The following PRIM2 variants were observed in gnomAD, a reference collection of about 807,000 sequenced individuals.
PRIM2 encodes the protein DNA primase large subunit.
PRIM2 carries 39 observed loss-of-function variants against 67.3 expected under a neutral mutation model. That is an observed-to-expected ratio of 0.58 (90% confidence interval 0.45 to 0.76). PRIM2 has a LOEUF of 0.76. PRIM2 is among the 30% of genes least tolerant of loss of function. PRIM2 has a pLI of 0.00. For missense variants in PRIM2, 398 were observed against 598.7 expected (o/e 0.66, Z 3.50); for synonymous variants, 143 against 198.7 (o/e 0.72, Z 2.36).
intron 9 of PRIM2, among the ~76,000 whole-genome samples, chr6:57,535,587 C>G (rs1446340140): frequency 1.3e-5 from 2 of 152,094 alleles, no homozygotes; most frequent in Admixed American, 6.5e-5. Flanking sequence ...ATTGGCCAGG[C>G]GCAGTGGGTC....
intron 7 of PRIM2, among the ~76,000 whole-genome samples, chr6:57,429,975 A>G (rs1771763711): frequency 6.6e-6 from 1 of 152,126 alleles, no homozygotes. Flanking sequence ...TATTCTCACT[A>G]GTTGAGTAAT....
chr6:57,451,614 G>A (rs1772552490), intron 7 of PRIM2, among the ~76,000 whole-genome samples: 1 of 152,056 alleles, frequency 6.6e-6, no homozygotes. Flanking sequence ...GAATTGTAAA[G>A]ATTCTTAATA....
At chr6:57,434,985 C>T (rs1581901238) in intron 7 of PRIM2, 2 of 151,934 alleles carry the variant, frequency 1.3e-5, no homozygotes, top group East Asian at 1.9e-4. Flanking sequence ...GGAGTCTTGC[C>T]ATGTTGCCCA....
chr6:57,495,911 T>C (rs1412647973), intron 7 of PRIM2, among the ~76,000 whole-genome samples: 2 of 148,982 alleles, frequency 1.3e-5, no homozygotes, highest in Admixed American at 1.3e-4. Flanking sequence ...ACTCAGCTGA[T>C]TTTTTTTTTA....
chr6:57,600,981 A>C, intron 10 of PRIM2, 112 bp from the exon 11 acceptor site: 2 of 983,016 alleles, frequency 2.0e-6, no homozygotes, highest in African/African-American at 3.3e-5. Context: ...GTGAATGCTG[A>C]GTTTATTCTA....
At chr6:57,331,372 G>A (rs139426981) in intron 5 of PRIM2, among the ~76,000 whole-genome samples, 71 of 152,072 alleles carry the variant, frequency 4.7e-4, no homozygotes, top group African/African-American at 1.7e-3. Flanking sequence ...TGGTCTGTAG[G>A]TTTTTTGTGA....
At chr6:57,277,909 G>A in the PRIM2 span, among the ~76,000 whole-genome samples, 4 of 151,900 alleles carry the variant, frequency 2.6e-5, no homozygotes, top group Admixed American at 6.6e-5. Flanking sequence ...GCGTGAACCC[G>A]GGAGGTGGAG....
chr6:57,461,952 A>G (rs1445806277), intron 7 of PRIM2, among the ~76,000 whole-genome samples: 1 of 152,236 alleles, frequency 6.6e-6, no homozygotes, highest in Non-Finnish European at 1.5e-5. Context: ...TGCCTTTATT[A>G]TTTAAGCACT....
At chr6:57,434,694 C>T (rs544840340) in intron 7 of PRIM2, among the ~76,000 whole-genome samples, 1 of 152,160 alleles carries the variant, frequency 6.6e-6, no homozygotes, top group South Asian at 2.1e-4. Flanking sequence ...TAACTATCTT[C>T]CTCCACCAGC....
At chr6:57,399,542 T>C (rs1770636165) in intron 7 of PRIM2, among the ~76,000 whole-genome samples, 1 of 152,198 alleles carries the variant, frequency 6.6e-6, no homozygotes, top group Non-Finnish European at 1.5e-5. Context: ...TTATAATCCT[T>C]TGGATATATA....
intron 7 of PRIM2, among the ~76,000 whole-genome samples, chr6:57,440,726 G>A (rs1772177312): frequency 6.6e-6 from 1 of 152,128 alleles, no homozygotes; most frequent in African/African-American, 2.4e-5. Flanking sequence ...CATTCCATCA[G>A]CTAACAAGGT....
chr6:57,615,650 CTTTGGAAGG>C (rs1776743019), intron 12 of PRIM2, among the ~76,000 whole-genome samples: 3 of 152,096 alleles, frequency 2.0e-5, no homozygotes, highest in Non-Finnish European at 4.4e-5. Context: ...AATCCCAGCA[CTTTGGAAGG>C]CCGAGGTGAG....
chr6:57,615,609 A>G (rs1463880967), intron 12 of PRIM2, among the ~76,000 whole-genome samples: 5 of 151,884 alleles, frequency 3.3e-5, no homozygotes, highest in African/African-American at 1.2e-4. Context: ...TAATAGAAAA[A>G]TTGGGGCTGG....
intron 7 of PRIM2, among the ~76,000 whole-genome samples, chr6:57,398,639 G>A (rs576161124): frequency 6.6e-6 from 1 of 152,176 alleles, no homozygotes; most frequent in East Asian, 1.9e-4. Context: ...TGGATGGAGA[G>A]TTCTGTAGAG....
intron 7 of PRIM2, among the ~76,000 whole-genome samples, chr6:57,455,458 T>A (rs368705469): frequency 1.4e-4 from 21 of 150,984 alleles, no homozygotes; most frequent in African/African-American, 4.9e-4. Context: ...TGCTTTATGA[T>A]TCTGGGTGCT....
the PRIM2 span, among the ~76,000 whole-genome samples, chr6:57,297,092 A>G: frequency 5.7e-4 from 87 of 152,340 alleles, no homozygotes; most frequent in African/African-American, 2.0e-3. Flanking sequence ...AGAGGGGAAC[A>G]TGCTCTCTTT....
intron 12 of PRIM2, among the ~76,000 whole-genome samples, chr6:57,619,303 TACCCAAACGTGATGGAACCAGAAAACC>T (rs1331137197): frequency 6.6e-6 from 1 of 152,138 alleles, no homozygotes; most frequent in Admixed American, 6.5e-5. Flanking sequence ...TGACAGAGCC[TACCCAAACGTGATGGAACCAGAAAACC>T]ACCCCTGGTA....
Position 57,343,820 on chromosome 6 carries a change from A to G in PRIM2, c.459+17775A>G, listed in dbSNP as rs561064983. ...GAAGACTTTATTCAAAGGGGCTACT[A>G]TAATAGGTTTTTGTAGTAGGGGAGA... is the stretch of plus-strand genomic sequence containing the variant. On this transcript the variant is annotated intron_variant, in intron 5 of 13. Transcript: ENST00000615550. 1.3e-3 allele frequency among the ~76,000 whole-genome samples: 202 copies of G among 152,318 alleles called. 5 individuals are homozygous for G. The East Asian group carries it at 0.017, about 13-fold the overall frequency.
the PRIM2 span, among the ~76,000 whole-genome samples, chr6:57,304,863 T>C: frequency 3.9e-5 from 6 of 152,198 alleles, no homozygotes; most frequent in African/African-American, 1.2e-4. Flanking sequence ...AAAAATCATG[T>C]TCCCTATAGA....
Sources: allele counts gnomAD v4.1 joint callset (sites outside exome capture counted in the v4.1 genomes callset), GRCh38; gene constraint gnomAD v4.1.1; transcripts MANE v1.5; gene names NCBI Gene and HGNC (gene_info 2026-07-23, HGNC 2026-07-21).